Variants in UGT2B7 observed in about 807,000 individuals in gnomAD.
The protein encoded by UGT2B7 is UDP-glucuronosyltransferase 2B7.
Under a neutral mutation model 51.9 loss-of-function variants are expected in UGT2B7, and 51 were observed. That is an observed-to-expected ratio of 0.98 (90% CI 0.78 to 1.24). The LOEUF is 1.24. Ranked by LOEUF, UGT2B7 falls within the 50% of genes most tolerant of loss-of-function variation. UGT2B7 has a pLI of 0.00. For missense variants in UGT2B7, 727 were observed against 628.4 expected (o/e 1.16, Z -1.68); for synonymous variants, 225 against 211.6 (o/e 1.06, Z -0.55).
chr4:69,111,552 G>T (rs1254256228), intron 5 of UGT2B7, among the ~76,000 whole-genome samples: 10 of 152,244 alleles, frequency 6.6e-5, no homozygotes, highest in Admixed American at 5.9e-4. Context: ...CCGTATGTCT[G>T]TTTGAGAACT....
At position 69,112,851 on chromosome 4, in the gene UGT2B7, A is replaced by G. The variant is rs1342459386; in HGVS notation, c.*115A>G. ...CTTCCTGAGACAAAAAAAAAAAAAG[A>G]AAAAAAAATCTTTTCAAAATTTACT... On this transcript the variant is annotated 3_prime_UTR_variant, in exon 6 of 6. Transcript: ENST00000305231. The G allele has an allele frequency of 2.3e-5, 29 of 1,266,110 alleles. No individual in the cohort carries two copies. Among genetic ancestry groups the G allele is most frequent in the Middle Eastern group, 2.1e-4 (1 of 4,690 alleles). The allele number at this position is 1,266,110 out of a possible 1,614,324, so 78.4% of individuals were successfully genotyped here.
rs1488640601 is a variant in UGT2B7, at chr4:69,096,773, G to T, written c.253G>T (p.Glu85Ter). 1.9e-6 allele frequency: 3 copies of T among 1,613,842 alleles called. No individual in the cohort carries two copies. Residue 85 changes from glutamate (E) to a stop codon, truncating the protein, a stop_gained, in exon 1 of 6, where the codon GAG becomes TAG. Coordinates refer to ENST00000305231, the MANE Select transcript of UGT2B7 (RefSeq NM_001074.4). LOFTEE classifies it high-confidence loss of function. Reference sequence around the variant, plus strand: ...TTATCCCACATCTTTAACTAAAACTGAGTTGGAGAATTTCATCATGCAACA... The same window carrying T: ...TTATCCCACATCTTTAACTAAAACTTAGTTGGAGAATTTCATCATGCAACA... The part of the protein sequence containing the change: ...EIYPTSLTKT[E>*]LENFIMQQIK...
At chr4:69,081,485 A>G (rs1395584148) in intron 1 of UGT2B7, among the ~76,000 whole-genome samples, 1 of 152,122 alleles carries the variant, frequency 6.6e-6, no homozygotes, top group East Asian at 1.9e-4. Flanking sequence ...AGATTAAATT[A>G]TTTTGCCTGT....
At chr4:69,099,095 T>C (rs566613850) in intron 2 of UGT2B7, among the ~76,000 whole-genome samples, 1 of 151,914 alleles carries the variant, frequency 6.6e-6, no homozygotes, top group Admixed American at 6.6e-5. Context: ...ATAGAATATG[T>C]GCAAGTAATA....
chr4:69,109,835 T>A (rs994262914), intron 5 of UGT2B7, among the ~76,000 whole-genome samples: 6 of 152,010 alleles, frequency 3.9e-5, no homozygotes, highest in African/African-American at 1.2e-4. Flanking sequence ...ATCAATAATG[T>A]TTTTTTATAT....
intron 3 of UGT2B7, among the ~76,000 whole-genome samples, chr4:69,103,600 C>A (rs1198688956): frequency 6.6e-6 from 1 of 152,142 alleles, no homozygotes; most frequent in South Asian, 2.1e-4. Context: ...TCACAAAAAA[C>A]GTATATCCAG....
chr4:69,107,583 C>T (rs1279845609), intron 4 of UGT2B7, among the ~76,000 whole-genome samples: 16 of 152,022 alleles, frequency 1.1e-4, no homozygotes, highest in Non-Finnish European at 1.8e-4. Context: ...TTTCCTCTCC[C>T]GCAGGGTTAT....
chr4:69,112,639 T>C lies in UGT2B7; in HGVS notation c.1493T>C (p.Leu498Pro). ...TCTTTGGATGTGATTGGGTTCCTGC[T>C]GGTCTGTGTGGCAACTGTGATATTT... is the stretch of plus-strand genomic sequence containing the variant. Reference protein sequence around the residue: ...YHSLDVIGFLLVCVATVIFIV... With the variant: ...YHSLDVIGFLPVCVATVIFIV... The change falls in exon 6 of 6, where the codon CTG becomes CCG. Residue 498 changes from leucine (L) to proline (P), a missense_variant. Physicochemically the swap from Leu to Pro is moderately conservative, Grantham distance 98 (BLOSUM62 -3). Transcript: ENST00000305231. 6.2e-7 allele frequency: 1 copy of C among 1,613,972 alleles called. No individual in the cohort carries two copies. Among genetic ancestry groups the C allele is most frequent in the Non-Finnish European group, 8.5e-7 (1 of 1,179,886 alleles).
upstream of UGT2B7, among the ~76,000 whole-genome samples, chr4:69,093,884 G>A (rs1214413601): frequency 2.6e-5 from 4 of 152,094 alleles, no homozygotes; most frequent in Non-Finnish European, 5.9e-5. Context: ...GTGCCCGTAT[G>A]TTTCAGTTGA....
At chr4:69,086,327 T>C (rs1293159024) in intron 1 of UGT2B7, among the ~76,000 whole-genome samples, 1 of 151,850 alleles carries the variant, frequency 6.6e-6, no homozygotes, top group Non-Finnish European at 1.5e-5. Flanking sequence ...TCTAGTTTTA[T>C]TCCATTGTGG....
Position 69,097,188 on chromosome 4 carries a change from G to T in UGT2B7, c.668G>T (p.Trp223Leu), listed in dbSNP as rs772168662. The T allele has an allele frequency of 6.2e-7, 1 of 1,612,460 alleles. No individual in the cohort carries two copies. Among genetic ancestry groups the T allele is most frequent in the Non-Finnish European group, 8.5e-7 (1 of 1,179,298 alleles). ...NMIYVLYFDF[W>L]FEIFDMKKWD... ...ATCTATGTGCTTTACTTTGACTTTT[G>T]GTTCGAAATATTTGACATGAAGAAG... Residue 223 changes from tryptophan to leucine, a missense_variant, in exon 1 of 6, where the codon TGG (tryptophan) becomes TTG (leucine). Physicochemically the swap from Trp to Leu is moderately conservative, Grantham distance 61 (BLOSUM62 -2). Coordinates refer to ENST00000305231, the MANE Select transcript of UGT2B7 (RefSeq NM_001074.4).
At chr4:69,093,485 C>G (rs886350875), upstream of UGT2B7, among the ~76,000 whole-genome samples, 3 of 152,178 alleles carry the variant, frequency 2.0e-5, no homozygotes, top group African/African-American at 7.2e-5. Flanking sequence ...CACTGCTCAG[C>G]CCCCTGAATT....
upstream of UGT2B7, among the ~76,000 whole-genome samples, chr4:69,095,787 G>A (rs760347911): frequency 3.9e-5 from 6 of 152,016 alleles, no homozygotes; most frequent in Non-Finnish European, 7.4e-5. Flanking sequence ...ACATGTATAC[G>A]CTATATCATA....
intron 1 of UGT2B7, among the ~76,000 whole-genome samples, chr4:69,055,204 G>T (rs1386653843): frequency 1.3e-5 from 2 of 149,710 alleles, no homozygotes; most frequent in Non-Finnish European, 3.0e-5. Flanking sequence ...GATAAGATGT[G>T]GTTCTCTAAA....
chr4:69,112,571 C>T lies in UGT2B7; in HGVS notation c.1425C>T (p.His475=), dbSNP rs1188131117. 6.2e-7 allele frequency: 1 copy of T among 1,613,940 alleles called. No individual in the cohort carries two copies. Among genetic ancestry groups the T allele is most frequent in the African/African-American group, 1.3e-5 (1 of 75,026 alleles). The change falls in exon 6 of 6, where the codon CAC becomes CAT. Residue 475 remains histidine, a synonymous_variant. Transcript: ENST00000305231. The stretch of plus-strand genomic sequence containing the variant: ...TCATGCGCCACAAAGGAGCTAAACA[C>T]CTTCGGGTTGCAGCCCACGACCTCA... ...EFVMRHKGAK[H]LRVAAHDLTW...
upstream of UGT2B7, among the ~76,000 whole-genome samples, chr4:69,096,270 C>T (rs1185385576): frequency 6.6e-6 from 1 of 152,048 alleles, no homozygotes; most frequent in Non-Finnish European, 1.5e-5. Flanking sequence ...CATACAAGAT[C>T]CTTGATATTA....
At chr4:69,056,842 G>A (rs1718215442) in intron 1 of UGT2B7, among the ~76,000 whole-genome samples, 1 of 152,050 alleles carries the variant, frequency 6.6e-6, no homozygotes, top group African/African-American at 2.4e-5. Flanking sequence ...AAAAGTGAGA[G>A]TCTCAAAAGG....
At chr4:69,095,934 A>T (rs1359011126), upstream of UGT2B7, among the ~76,000 whole-genome samples, 2 of 152,192 alleles carry the variant, frequency 1.3e-5, no homozygotes, top group Non-Finnish European at 2.9e-5. Flanking sequence ...ATTACCTAGG[A>T]CAGGGGAAAT....
chr4:69,070,109 T>C (rs1178708141), intron 1 of UGT2B7, among the ~76,000 whole-genome samples: 1 of 151,506 alleles, frequency 6.6e-6, no homozygotes, highest in African/African-American at 2.4e-5. Flanking sequence ...TATCTACGTA[T>C]ATTTTTTAAA....
Sources: gnomAD v4.1 joint callset for allele counts (sites outside exome capture counted in the v4.1 genomes callset) on GRCh38, gnomAD v4.1.1 for gene constraint, MANE v1.5 for transcripts, NCBI Gene and HGNC (gene_info 2026-07-23, HGNC 2026-07-21) for gene names.